The following REXO5 variants were observed in gnomAD, a reference collection of about 807,000 sequenced individuals.
REXO5 encodes the protein RNA exonuclease 5, also known as exonuclease NEF-sp.
In REXO5, 48 loss-of-function variants were observed where a neutral mutation model predicts 88.5. The observed-to-expected ratio is 0.54, with a 90% CI of 0.43 to 0.69. The LOEUF (loss-of-function observed/expected upper bound fraction) is 0.69, where lower values mean the gene tolerates loss of function less well. REXO5 is among the 30% of genes least tolerant of loss of function. The probability of loss-of-function intolerance (pLI) is 0.00; values close to 1 mark genes in which losing one functional copy is unlikely to be tolerated. For missense variants in REXO5, 749 were observed against 912.2 expected (o/e 0.82, Z 2.30); for synonymous variants, 311 against 336.5 (o/e 0.92, Z 0.83).
At chr16:20,815,854 C>G (rs1439111321) in intron 4 of REXO5, among the ~76,000 whole-genome samples, 2 of 152,160 alleles carry the variant, frequency 1.3e-5, no homozygotes, top group Non-Finnish European at 2.9e-5. Context: ...TTTGAAAATA[C>G]AAAGGGACTT....
intron 18 of REXO5, 63 bp from the exon 19 acceptor site, chr16:20,846,158 A>G: frequency 8.0e-7 from 1 of 1,254,750 alleles, no homozygotes; most frequent in Admixed American, 1.7e-5. Context: ...AGAGTGTTGC[A>G]GCCCTTCCAA....
intron 3 of REXO5, 112 bp from the exon 4 acceptor site, chr16:20,814,815 A>G: frequency 9.5e-7 from 1 of 1,050,362 alleles, no homozygotes; most frequent in Non-Finnish European, 1.3e-6. Context: ...GATAAATTCT[A>G]TTAACTCTCA....
chr16:20,848,211 C>T (rs767356157), intron 19 of REXO5, among the ~76,000 whole-genome samples: 14 of 151,934 alleles, frequency 9.2e-5, no homozygotes, highest in Non-Finnish European at 1.2e-4. Flanking sequence ...CAGTTGTGTC[C>T]GTGATGGCAG....
intron 3 of REXO5, among the ~76,000 whole-genome samples, chr16:20,814,670 T>A (rs2081053878): frequency 6.6e-6 from 1 of 152,258 alleles, no homozygotes; most frequent in South Asian, 2.1e-4. Context: ...TTAATAGGAC[T>A]GTGAATTTAA....
Position 20,832,250 on chromosome 16 carries a change from C to G in REXO5, c.1253C>G (p.Pro418Arg), listed in dbSNP as rs2081356817. Residue 418 changes from proline (P) to arginine (R), a missense_variant, in exon 12 of 20, where the codon CCA becomes CGA. Transcript: ENST00000261377. ...AACACAGCAGAAGTACTTCAGCACC[C>G]AAACACAAGGTAATATTTTCAGTTT... ...PKNTAEVLQH[P>R]NTSVLECLDS... is the part of the protein sequence containing the mutation. 5 of 1,602,352 alleles carry G rather than the reference C, an allele frequency of 3.1e-6. No individual in the cohort carries two copies. In the East Asian group the frequency reaches 9.0e-5, roughly 29 times the overall value.
rs752715679 is a variant in REXO5 at position 20,849,520 on chromosome 16, T to G, written c.*40T>G. 5.8e-5 allele frequency: 92 copies of G among 1,574,552 alleles called. No homozygotes were observed. In the East Asian group the frequency reaches 2.0e-3, roughly 35 times the overall value. ...TTTCCATGTGCCATTTCTTACCCCT[T>G]GTAGGCAATGGCAAAGAATGTGGTC... On this transcript the variant is annotated 3_prime_UTR_variant, in exon 20 of 20. Coordinates refer to ENST00000261377, the MANE Select transcript of REXO5 (RefSeq NM_030941.3).
At chr16:20,806,920 T>C (rs1386420896) in intron 1 of REXO5, 32 bp from the exon 2 acceptor site, 1 of 1,553,674 alleles carries the variant, frequency 6.4e-7, no homozygotes, top group Admixed American at 2.0e-5. Flanking sequence ...GGCGCTGGAG[T>C]TTCCCCAGCT....
At chr16:20,839,909 C>A in intron 14 of REXO5, 50 bp downstream of exon 14, 1 of 1,143,672 alleles carries the variant, frequency 8.7e-7, no homozygotes, top group South Asian at 1.5e-5. Context: ...TTATTATAAC[C>A]TCTCATCATT....
In REXO5 at chr16:20,828,548, T is replaced by C. The variant is rs2152505924; in HGVS notation, c.1158+11T>C. 3.2e-6 allele frequency: 5 copies of C among 1,558,142 alleles called. No homozygotes were observed. In the East Asian group the frequency reaches 9.0e-5, roughly 28 times the overall value. ...CATGGCCCAAAAAAGGTTAGTATCT[T>C]TGCCCAGTGTGTTCACCTTTTCTTA... is the stretch of plus-strand genomic sequence containing the variant. On this transcript the variant is annotated intron_variant, in intron 11 of 19. Transcript: ENST00000261377.
rs534850114 is a variant in REXO5 at position 20,806,560 on chromosome 16, C to T, written c.-148C>T. 2.7e-6 allele frequency: 4 copies of T among 1,487,952 alleles called. No individual in the cohort carries two copies. The highest frequency in any genetic ancestry group is 3.6e-6 in the Non-Finnish European group (4 of 1,118,200). 92.2% of individuals were successfully genotyped at this position (1,487,952 alleles called of 1,614,324 possible). A position where few individuals can be genotyped will look rare whatever the true frequency, so the allele number is the denominator to read the frequency against. On this transcript the variant is annotated 5_prime_UTR_variant, in exon 1 of 20. Coordinates refer to ENST00000261377, the MANE Select transcript of REXO5 (RefSeq NM_030941.3). Reference sequence around the variant, plus strand: ...CAGCTGTGGCTAAGGAGGGGAGAACCTCTGCTCCCCGCCCGTCTTCTCTTC... The same window carrying T: ...CAGCTGTGGCTAAGGAGGGGAGAACTTCTGCTCCCCGCCCGTCTTCTCTTC...
chr16:20,808,173 A>G (rs13335485), intron 2 of REXO5, among the ~76,000 whole-genome samples: 29,459 of 152,064 alleles, frequency 0.19, 3,287 homozygotes, highest in African/African-American at 0.31. Context: ...TCTCCCAGTC[A>G]GTGGAAAGAT....
chr16:20,816,872 T>C (rs1011739733), intron 5 of REXO5, among the ~76,000 whole-genome samples: 7 of 152,170 alleles, frequency 4.6e-5, no homozygotes, highest in Non-Finnish European at 1.0e-4. Flanking sequence ...TTGACTAATA[T>C]AAGGGATACC....
chr16:20,810,484 T>G (rs2080980624), intron 2 of REXO5, among the ~76,000 whole-genome samples: 1 of 152,040 alleles, frequency 6.6e-6, no homozygotes, highest in Non-Finnish European at 1.5e-5. Flanking sequence ...CTCTGCTCAT[T>G]GCAACCTCTC....
At chr16:20,840,206 C>A in intron 14 of REXO5, 125 bp from the exon 15 acceptor site, 1 of 793,230 alleles carries the variant, frequency 1.3e-6, no homozygotes, top group Non-Finnish European at 1.9e-6. Context: ...CAGTGAACAT[C>A]CTTGGACATT....
chr16:20,846,479 G>T (rs1371649691), intron 19 of REXO5, 140 bp downstream of exon 19: 1 of 608,972 alleles, frequency 1.6e-6, no homozygotes, highest in East Asian at 2.9e-5. Flanking sequence ...CGTTCTAAAA[G>T]ATAGGCATTG....
intron 13 of REXO5, among the ~76,000 whole-genome samples, chr16:20,838,037 G>A (rs1038657677): frequency 4.6e-5 from 7 of 152,106 alleles, no homozygotes; most frequent in Non-Finnish European, 1.0e-4. Context: ...AAAGTGCCAG[G>A]ATCACAAGCA....
chr16:20,827,987 G>T (rs2081284331), intron 10 of REXO5, among the ~76,000 whole-genome samples: 1 of 152,122 alleles, frequency 6.6e-6, no homozygotes, highest in Non-Finnish European at 1.5e-5. Context: ...ATATGATATA[G>T]ATTAGATTTA....
rs544543925 is a variant in REXO5 at position 20,835,419 on chromosome 16, G to T, written c.1383+2296G>T. ...TGAGATTTTACACTCTAGCTTTTGG[G>T]AATCTAAACCATTCCTGGCCTTGTG... On this transcript the variant is annotated intron_variant, in intron 13 of 19. Coordinates refer to ENST00000261377, the MANE Select transcript of REXO5 (RefSeq NM_030941.3). 3.3e-5 allele frequency among the ~76,000 whole-genome samples: 5 copies of T among 152,230 alleles called. No individual in the cohort carries two copies. In the East Asian group the frequency reaches 9.7e-4, roughly 29 times the overall value.
chr16:20,846,006 G>C (rs1262305057), intron 18 of REXO5, among the ~76,000 whole-genome samples: 1 of 152,214 alleles, frequency 6.6e-6, no homozygotes, highest in Non-Finnish European at 1.5e-5. Context: ...GACAGTAGCT[G>C]TCCTCCCCTG....
Sources: allele counts gnomAD v4.1 joint callset (sites outside exome capture counted in the v4.1 genomes callset), GRCh38; gene constraint gnomAD v4.1.1; transcripts MANE v1.5; gene names NCBI Gene and HGNC (gene_info 2026-07-23, HGNC 2026-07-21).